LRP1B: variants seen among roughly 807,000 people sequenced by gnomAD.
LRP1B encodes the protein low-density lipoprotein receptor-related protein 1B.
In LRP1B, 217 loss-of-function variants were observed where a neutral mutation model predicts 556.6. The observed-to-expected ratio is 0.39, with a 90% CI of 0.35 to 0.44. The LOEUF (loss-of-function observed/expected upper bound fraction) is 0.44, where lower values mean the gene tolerates loss of function less well. Ranked by LOEUF, LRP1B falls within the 20% of genes least tolerant of loss-of-function variation. The probability of loss-of-function intolerance (pLI) is 1.00; values close to 1 mark genes in which losing one functional copy is unlikely to be tolerated. For missense variants in LRP1B, 5,053 were observed against 5,620.8 expected (o/e 0.90, Z 3.23); for synonymous variants, 2,047 against 1,865.8 (o/e 1.10, Z -2.50).
chr2:140,688,051 G>T (rs1304418586), intron 41 of LRP1B, among the ~76,000 whole-genome samples: 1 of 151,956 alleles, frequency 6.6e-6, no homozygotes, highest in African/African-American at 2.4e-5. Context: ...GAAAAATGCT[G>T]CTTCTAATCC....
chr2:141,944,413 A>T (rs1700898345), intron 1 of LRP1B, among the ~76,000 whole-genome samples: 1 of 152,200 alleles, frequency 6.6e-6, no homozygotes, highest in African/African-American at 2.4e-5. Context: ...AAAAAGGCAT[A>T]GCTTAATAAA....
chr2:141,598,716 A>T (rs1001430552), intron 2 of LRP1B, among the ~76,000 whole-genome samples: 2 of 152,178 alleles, frequency 1.3e-5, no homozygotes, highest in African/African-American at 4.8e-5. Context: ...CCGAGGTCTG[A>T]TACATGTGCA....
At chr2:140,977,748 C>G (rs1338782892) in intron 18 of LRP1B, among the ~76,000 whole-genome samples, 1 of 152,102 alleles carries the variant, frequency 6.6e-6, no homozygotes, top group Non-Finnish European at 1.5e-5. Flanking sequence ...TTAACAAGCT[C>G]CTCAAAAGAC....
At chr2:141,055,716 A>G (rs934051690) in intron 9 of LRP1B, among the ~76,000 whole-genome samples, 1 of 151,704 alleles carries the variant, frequency 6.6e-6, no homozygotes, top group Non-Finnish European at 1.5e-5. Context: ...TGATTCAGTG[A>G]TTATATATAC....
At chr2:141,425,804 T>C (rs1559064169) in intron 3 of LRP1B, among the ~76,000 whole-genome samples, 2 of 151,930 alleles carry the variant, frequency 1.3e-5, no homozygotes. Flanking sequence ...GAGTTCATTG[T>C]AGATTCTGGA....
chr2:141,820,034 G>A (rs1385760597), intron 1 of LRP1B, among the ~76,000 whole-genome samples: 2 of 152,026 alleles, frequency 1.3e-5, no homozygotes, highest in Non-Finnish European at 2.9e-5. Context: ...TAGTTAATCA[G>A]TAAGATAAAA....
At chr2:141,802,106 A>G (rs938046803) in intron 2 of LRP1B, among the ~76,000 whole-genome samples, 14 of 152,142 alleles carry the variant, frequency 9.2e-5, no homozygotes, top group Non-Finnish European at 1.9e-4. Context: ...GAATTCTAAG[A>G]TGAGTATTTT....
At chr2:141,402,108 G>A (rs1408473939) in intron 3 of LRP1B, among the ~76,000 whole-genome samples, 1 of 152,034 alleles carries the variant, frequency 6.6e-6, no homozygotes, top group African/African-American at 2.4e-5. Flanking sequence ...TGAACCTGAG[G>A]GTATCTGTAT....
intron 2 of LRP1B, among the ~76,000 whole-genome samples, chr2:141,620,143 G>C (rs901808752): frequency 2.0e-5 from 3 of 152,018 alleles, no homozygotes; most frequent in African/African-American, 7.2e-5. Flanking sequence ...TATAGAGATG[G>C]GATCTTGCTG....
intron 1 of LRP1B, among the ~76,000 whole-genome samples, chr2:141,951,369 C>T (rs200782902): frequency 3.3e-5 from 5 of 152,198 alleles, no homozygotes; most frequent in South Asian, 2.1e-4. Flanking sequence ...CCCCAAAGTC[C>T]GCTATATCAT....
At chr2:141,578,177 T>C (rs1295808868) in intron 2 of LRP1B, among the ~76,000 whole-genome samples, 1 of 152,114 alleles carries the variant, frequency 6.6e-6, no homozygotes, top group African/African-American at 2.4e-5. Flanking sequence ...AGATGGATCA[T>C]GAGGTCAAGA....
intron 1 of LRP1B, among the ~76,000 whole-genome samples, chr2:142,070,165 AGGCAAAC>A (rs1366323059): frequency 6.6e-6 from 1 of 151,740 alleles, no homozygotes; most frequent in Non-Finnish European, 1.5e-5. Context: ...TTGTTCTTTA[AGGCAAAC>A]GGTCCAGAGC....
At chr2:142,077,787 T>C (rs1333458530) in intron 1 of LRP1B, among the ~76,000 whole-genome samples, 1 of 152,150 alleles carries the variant, frequency 6.6e-6, no homozygotes, top group Non-Finnish European at 1.5e-5. Context: ...GTCTATTACA[T>C]CTGCCCAGAA....
At chr2:141,822,230 T>C (rs1406592592) in intron 1 of LRP1B, among the ~76,000 whole-genome samples, 6 of 151,574 alleles carry the variant, frequency 4.0e-5, no homozygotes, top group Admixed American at 3.3e-4. Context: ...AGCTGACACA[T>C]TCAACACGGT....
intron 29 of LRP1B, among the ~76,000 whole-genome samples, chr2:140,846,172 G>A (rs764423706): frequency 6.6e-6 from 1 of 152,052 alleles, no homozygotes; most frequent in Non-Finnish European, 1.5e-5. Flanking sequence ...AAAGATAGTG[G>A]GATACTATCT....
intron 20 of LRP1B, among the ~76,000 whole-genome samples, chr2:140,933,226 C>A (rs1363585674): frequency 6.6e-6 from 1 of 151,946 alleles, no homozygotes; most frequent in Non-Finnish European, 1.5e-5. Context: ...TCAGTTGAAG[C>A]TTCATATAAA....
intron 23 of LRP1B, among the ~76,000 whole-genome samples, chr2:140,890,512 A>G (rs1041174689): frequency 6.6e-6 from 1 of 152,122 alleles, no homozygotes; most frequent in Non-Finnish European, 1.5e-5. Flanking sequence ...CTTTATAGTC[A>G]TTTTATGTTG....
chr2:140,907,938 T>G lies in LRP1B; in HGVS notation c.3459A>C (p.Pro1153=), dbSNP rs1694304141. ...CANDTSVCLQ[P]EKLCNGKKDC... ...CCTTTTTCCCATTGCAGAGTTTCTCTGGCTGCAGGCAGACTGAGGTGTCAT... is the reference window on the plus strand; with the variant it reads ...CCTTTTTCCCATTGCAGAGTTTCTCGGGCTGCAGGCAGACTGAGGTGTCAT... Residue 1153 remains proline, a synonymous_variant, in exon 22 of 91, where the codon CCA becomes CCC. Coordinates refer to ENST00000389484, the MANE Select transcript of LRP1B (RefSeq NM_018557.3). The G allele has an allele frequency of 6.2e-7, 1 of 1,613,552 alleles. No individual in the cohort carries two copies. Among genetic ancestry groups the G allele is most frequent in the Non-Finnish European group, 8.5e-7 (1 of 1,179,712 alleles).
intron 2 of LRP1B, among the ~76,000 whole-genome samples, chr2:141,668,548 G>T (rs1441306331): frequency 6.6e-6 from 1 of 152,182 alleles, no homozygotes; most frequent in Non-Finnish European, 1.5e-5. Flanking sequence ...TGTGACTGTG[G>T]ACAGTCCAAT....
Sources: allele counts gnomAD v4.1 joint callset (sites outside exome capture counted in the v4.1 genomes callset), GRCh38; gene constraint gnomAD v4.1.1; transcripts MANE v1.5; gene names NCBI Gene and HGNC (gene_info 2026-07-23, HGNC 2026-07-21).